Variants in PAIP2 observed in about 807,000 individuals in gnomAD.
PAIP2 encodes polyadenylate-binding protein-interacting protein 2.
In PAIP2, 7 loss-of-function variants were observed where a neutral mutation model predicts 14.8. The observed-to-expected ratio is 0.47, with a 90% CI of 0.27 to 0.89. The LOEUF (loss-of-function observed/expected upper bound fraction) is 0.89, where lower values mean the gene tolerates loss of function less well. Ranked by LOEUF, PAIP2 falls within the 40% of genes least tolerant of loss-of-function variation. The pLI is 0.13. For synonymous variants in PAIP2, 47 were observed against 45.3 expected, an observed-to-expected ratio of 1.04 and a Z score of -0.15; for missense variants, 122 against 154.7, an observed-to-expected ratio of 0.79 and a Z score of 1.12.
intron 1 of PAIP2, among the ~76,000 whole-genome samples, chr5:139,355,367 T>A (rs892348677): frequency 6.6e-6 from 1 of 151,972 alleles, no homozygotes; most frequent in African/African-American, 2.4e-5. Flanking sequence ...AGACAGGATT[T>A]CACCATGTTG....
chr5:139,351,941 C>A (rs980577688), intron 1 of PAIP2, among the ~76,000 whole-genome samples: 37 of 152,138 alleles, frequency 2.4e-4, no homozygotes, highest in Non-Finnish European at 2.9e-5. Flanking sequence ...GCTTTCCTAA[C>A]AAAATTGATC....
At chr5:139,359,119 C>T (rs553521427) in intron 1 of PAIP2, among the ~76,000 whole-genome samples, 10 of 152,090 alleles carry the variant, frequency 6.6e-5, no homozygotes, top group African/African-American at 9.6e-5. Context: ...GGACCACAGG[C>T]GTGCACCACC....
chr5:139,354,729 C>CA (rs1756854893), intron 1 of PAIP2, among the ~76,000 whole-genome samples: 2 of 151,892 alleles, frequency 1.3e-5, no homozygotes, highest in South Asian at 4.2e-4. Flanking sequence ...GGATAAATCT[C>CA]AATTGACCTT....
chr5:139,364,111 G>GT, intron 2 of PAIP2, 189 bp downstream of exon 2: 1 of 588,526 alleles, frequency 1.7e-6, no homozygotes, highest in South Asian at 2.1e-5. Context: ...TGGGGAGCTT[G>GT]TTTCAGGGTC....
intron 1 of PAIP2, among the ~76,000 whole-genome samples, chr5:139,358,220 T>G (rs1756972121): frequency 6.6e-6 from 1 of 152,214 alleles, no homozygotes; most frequent in South Asian, 2.1e-4. Context: ...ACAAGTTACT[T>G]AAGACTTAGT....
intron 1 of PAIP2, among the ~76,000 whole-genome samples, chr5:139,362,303 C>G (rs1370401575): frequency 6.6e-6 from 1 of 151,840 alleles, no homozygotes; most frequent in African/African-American, 2.4e-5. Context: ...TCACTGTACC[C>G]TCTGCCTCCT....
intron 1 of PAIP2, among the ~76,000 whole-genome samples, chr5:139,359,194 TG>T (rs1395013702): frequency 6.6e-6 from 1 of 152,134 alleles, no homozygotes; most frequent in Non-Finnish European, 1.5e-5. Flanking sequence ...GAGAGTGCAG[TG>T]GCGCGATCTT....
chr5:139,354,416 G>A (rs914561312), intron 1 of PAIP2, among the ~76,000 whole-genome samples: 5 of 152,056 alleles, frequency 3.3e-5, no homozygotes, highest in African/African-American at 1.2e-4. Flanking sequence ...TATGTAATGA[G>A]TTGCTTCTCT....
At position 139,347,681 on chromosome 5, in the gene PAIP2, A is replaced by G. The variant is rs548022830; in HGVS notation, c.-27+5701A>G. On this transcript the variant is annotated intron_variant, in intron 1 of 3. Coordinates refer to ENST00000265192, the MANE Select transcript of PAIP2 (RefSeq NM_016480.5). ...TGGGTGCAGCACACCAGCATGGCAC[A>G]TGTATACATATGTAACTAACCTGCA... Among the ~76,000 whole-genome samples, 164 of 152,286 alleles carry G rather than the reference A, an allele frequency of 1.1e-3. No individual in the cohort carries two copies. In the South Asian group the frequency reaches 0.012, roughly 11 times the overall value.
In PAIP2 at chr5:139,347,744, ATAAT is replaced by A. The variant is rs1227441074; in HGVS notation, c.-27+5766_-27+5769del. On this transcript the variant is annotated intron_variant, in intron 1 of 3. Transcript: ENST00000265192. ...GTACCCTAAAACTTAAAGTATAATA[ATAAT>A]TTTTAAAAAACTGTGGTACATCCAT... Among the ~76,000 whole-genome samples, 3 of 152,170 alleles carry A rather than the reference ATAAT, an allele frequency of 2.0e-5. No homozygotes were observed. The East Asian group carries it at 5.8e-4, about 29-fold the overall frequency.
At chr5:139,353,521 T>C (rs1345707965) in intron 1 of PAIP2, among the ~76,000 whole-genome samples, 2 of 152,144 alleles carry the variant, frequency 1.3e-5, no homozygotes, top group Non-Finnish European at 2.9e-5. Context: ...TTGTAACAAT[T>C]CAGTTTGAGT....
intron 1 of PAIP2, among the ~76,000 whole-genome samples, chr5:139,349,075 G>A (rs991234909): frequency 3.3e-5 from 5 of 152,188 alleles, no homozygotes; most frequent in African/African-American, 1.2e-4. Context: ...AAACCTAATA[G>A]TAGGAATCTA....
At chr5:139,359,732 G>A (rs1169978712) in intron 1 of PAIP2, among the ~76,000 whole-genome samples, 2 of 151,652 alleles carry the variant, frequency 1.3e-5, no homozygotes, top group Non-Finnish European at 2.9e-5. Context: ...CACTTTGGGA[G>A]GCTGAGGTGG....
intron 3 of PAIP2, among the ~76,000 whole-genome samples, chr5:139,368,356 AT>A (rs1757426625): frequency 6.6e-6 from 1 of 151,292 alleles, no homozygotes; most frequent in African/African-American, 2.4e-5. Context: ...AAAAAACTAA[AT>A]AAATAAATAA....
chr5:139,343,157 A>G (rs1015418286), intron 1 of PAIP2: 1 of 152,164 alleles, frequency 6.6e-6, no homozygotes, highest in African/African-American at 2.4e-5. Context: ...AGACTCCACT[A>G]TTTGCTTTTG....
At chr5:139,343,902 G>T (rs1397472116) in intron 1 of PAIP2, among the ~76,000 whole-genome samples, 1 of 151,970 alleles carries the variant, frequency 6.6e-6, no homozygotes, top group African/African-American at 2.4e-5. Context: ...ATTTTTAGTA[G>T]AGACAGGGTT....
chr5:139,359,333 T>G (rs1177089792), intron 1 of PAIP2, among the ~76,000 whole-genome samples: 1 of 151,918 alleles, frequency 6.6e-6, no homozygotes, highest in African/African-American at 2.4e-5. Context: ...GAGACAGGGT[T>G]TCGCCATGTT....
At chr5:139,366,674 A>G (rs983581809) in intron 3 of PAIP2, among the ~76,000 whole-genome samples, 3 of 152,188 alleles carry the variant, frequency 2.0e-5, no homozygotes, top group Non-Finnish European at 2.9e-5. Context: ...TGGACCCAGT[A>G]TAATTCCATA....
At chr5:139,355,537 A>G (rs1411512796) in intron 1 of PAIP2, among the ~76,000 whole-genome samples, 1 of 151,976 alleles carries the variant, frequency 6.6e-6, no homozygotes, top group Non-Finnish European at 1.5e-5. Flanking sequence ...ATTTTTTTCT[A>G]CATGGTTTCC....
Sources: allele counts gnomAD v4.1 joint callset (sites outside exome capture counted in the v4.1 genomes callset), GRCh38; gene constraint gnomAD v4.1.1; transcripts MANE v1.5; gene names NCBI Gene and HGNC (gene_info 2026-07-23, HGNC 2026-07-21).